Variants in ZNF616 observed in about 807,000 individuals in gnomAD.
ZNF616 encodes zinc finger protein 616.
ZNF616 carries 5 observed loss-of-function variants against 7.6 expected under a neutral mutation model. The observed-to-expected ratio is 0.66, with a 90% confidence interval of 0.34 to 1.38. The LOEUF (loss-of-function observed/expected upper bound fraction) is 1.38, where lower values mean the gene tolerates loss of function less well. ZNF616 is among the 40% of genes most tolerant of loss of function. The pLI is 0.04. For missense variants in ZNF616, 913 were observed against 948.3 expected (o/e 0.96, Z 0.49); for synonymous variants, 319 against 317.2 (o/e 1.01, Z -0.06).
Position 52,115,473 on chromosome 19 carries a change from A to G in ZNF616, c.1691T>C (p.Leu564Pro), listed in dbSNP as rs766090943. 2 of 1,614,214 alleles carry G rather than the reference A, an allele frequency of 1.2e-6. No individual in the cohort carries two copies. Among genetic ancestry groups the G allele is most frequent in the South Asian group, 2.2e-5 (2 of 91,090 alleles). Reference protein sequence around the residue: ...CGKVFSQCSRLTVHRRIHSGE... With the variant: ...CGKVFSQCSRPTVHRRIHSGE... Reference sequence around the variant, plus strand: ...ACTATGAATTCTCCGATGCACTGTAAGACGTGAACATTGACTGAAGACCTT... The same window carrying G: ...ACTATGAATTCTCCGATGCACTGTAGGACGTGAACATTGACTGAAGACCTT... The change falls in exon 4 of 4, where the codon CTT becomes CCT. Residue 564 changes from leucine to proline, a missense_variant. Leu to Pro is a moderately conservative substitution (Grantham distance 98). Coordinates refer to ENST00000600228, the MANE Select transcript of ZNF616 (RefSeq NM_178523.5).
intron 1 of ZNF616, among the ~76,000 whole-genome samples, chr19:52,138,123 C>T (rs2089028739): frequency 6.6e-6 from 1 of 151,996 alleles, no homozygotes; most frequent in Non-Finnish European, 1.5e-5. Context: ...CCAGCCTGGG[C>T]GACAGAGACC....
chr19:52,137,409 C>T (rs1299545149), intron 1 of ZNF616, among the ~76,000 whole-genome samples: 8 of 151,736 alleles, frequency 5.3e-5, no homozygotes, highest in Middle Eastern at 3.4e-3. Flanking sequence ...GGCGACAGAG[C>T]GAGCGAGACT....
Position 52,139,220 on chromosome 19 carries a change from G to A in ZNF616, c.-77+512C>T, listed in dbSNP as rs1157867784. Among the ~76,000 whole-genome samples, 2 of 152,078 alleles carry A rather than the reference G, an allele frequency of 1.3e-5. No individual in the cohort carries two copies. Among genetic ancestry groups the A allele is most frequent in the South Asian group, 2.1e-4 (1 of 4,828 alleles). ...GGGAGGAATACGATGCCCACCTCCC[G>A]GAAGAGCACATTTTCCAGTGGAGTA... On this transcript the variant is annotated intron_variant, in intron 1 of 3. Coordinates refer to ENST00000600228, the MANE Select transcript of ZNF616 (RefSeq NM_178523.5). This position sits in a 1 kb window ranked among gnomAD's most constrained non-coding sequence, Gnocchi z 4.1.
chr19:52,116,545 G>A lies in ZNF616; in HGVS notation c.619C>T (p.His207Tyr), dbSNP rs1257503459. Residue 207 changes from histidine (H) to tyrosine (Y), a missense_variant, in exon 4 of 4, where the codon CAT (histidine) becomes TAT (tyrosine). By Grantham distance (83) the His-to-Tyr change is moderately conservative. Coordinates refer to ENST00000600228, the MANE Select transcript of ZNF616 (RefSeq NM_178523.5). Reference protein sequence around the residue: ...SSSLINHQRIHTTEKPYKCNE... With the variant: ...SSSLINHQRIYTTEKPYKCNE... ...CATTTGTAAGGTTTCTCTGTAGTAT[G>A]TATCCTCTGATGATTAATAAGGCTG... 6.2e-7 allele frequency: 1 copy of A among 1,614,098 alleles called. No individual in the cohort carries two copies. Among genetic ancestry groups the A allele is most frequent in the Admixed American group, 1.7e-5 (1 of 60,026 alleles).
At chr19:52,128,840 G>A (rs907616763) in intron 2 of ZNF616, among the ~76,000 whole-genome samples, 2 of 149,152 alleles carry the variant, frequency 1.3e-5, no homozygotes, top group Non-Finnish European at 2.9e-5. Flanking sequence ...TGGTATTATG[G>A]TATGGATAGT....
intron 1 of ZNF616, among the ~76,000 whole-genome samples, chr19:52,136,663 G>GAAA (rs2089011921): frequency 6.6e-6 from 1 of 152,132 alleles, no homozygotes; most frequent in Admixed American, 6.5e-5. Flanking sequence ...CAGCCATTAT[G>GAAA]AAAAACACTA....
chr19:52,137,640 T>C (rs2089024044), intron 1 of ZNF616, among the ~76,000 whole-genome samples: 1 of 152,140 alleles, frequency 6.6e-6, no homozygotes, highest in Non-Finnish European at 1.5e-5. Flanking sequence ...GGAGAAATGT[T>C]GGTCAAAGGG....
At chr19:52,133,550 G>A (rs186365030) in intron 1 of ZNF616, among the ~76,000 whole-genome samples, 226 of 152,088 alleles carry the variant, frequency 1.5e-3, no homozygotes, top group Non-Finnish European at 1.9e-3. Flanking sequence ...ACAGAGTCTC[G>A]CTCTGTCGCC....
chr19:52,124,984 C>A (rs887687933), intron 2 of ZNF616, among the ~76,000 whole-genome samples: 1 of 152,090 alleles, frequency 6.6e-6, no homozygotes, highest in Admixed American at 6.6e-5. Context: ...ACACCATATC[C>A]CATTGATAAG....
chr19:52,124,675 A>T (rs1262992589), intron 2 of ZNF616, among the ~76,000 whole-genome samples: 1 of 152,232 alleles, frequency 6.6e-6, no homozygotes, highest in Non-Finnish European at 1.5e-5. Flanking sequence ...ACAATCAAAC[A>T]GTTACATTAT....
At chr19:52,129,637 T>C (rs548661188) in intron 2 of ZNF616, among the ~76,000 whole-genome samples, 2 of 152,320 alleles carry the variant, frequency 1.3e-5, no homozygotes, top group East Asian at 3.9e-4. Flanking sequence ...AAATCAATGA[T>C]GGAATAAAAC....
At chr19:52,136,311 G>A (rs561052067) in intron 1 of ZNF616, among the ~76,000 whole-genome samples, 3 of 152,074 alleles carry the variant, frequency 2.0e-5, no homozygotes, top group Admixed American at 1.3e-4. Context: ...TGAAACCCCC[G>A]TCTCTACTAA....
intron 3 of ZNF616, 90 bp from the exon 4 acceptor site, chr19:52,117,114 T>C: frequency 8.8e-7 from 1 of 1,139,784 alleles, no homozygotes; most frequent in Non-Finnish European, 1.2e-6. Flanking sequence ...ACACTAAACA[T>C]AATCTTTATA....
chr19:52,119,067 C>A (rs900146214), intron 3 of ZNF616, among the ~76,000 whole-genome samples: 6 of 152,142 alleles, frequency 3.9e-5, no homozygotes, highest in African/African-American at 1.4e-4. Context: ...ATTCAGCCAT[C>A]CCCATGAATA....
At chr19:52,121,389 A>C (rs10406099) in intron 3 of ZNF616, among the ~76,000 whole-genome samples, 88,945 of 152,070 alleles carry the variant, frequency 0.58, 28,401 homozygotes, top group African/African-American at 0.82. Flanking sequence ...AGAATATCAA[A>C]AAATATGTGG....
chr19:52,116,336 C>A lies in ZNF616; in HGVS notation c.828G>T (p.Lys276Asn). ...CAAGGTGGGAACTTTTACTAAAGGACTTGCCACATTCATTACATATGTAGG... is the reference window on the plus strand; with the variant it reads ...CAAGGTGGGAACTTTTACTAAAGGAATTGCCACATTCATTACATATGTAGG... Reference protein sequence around the residue: ...QKPYICNECGKSFSKSSHLAV... With the variant: ...QKPYICNECGNSFSKSSHLAV... The change falls in exon 4 of 4, where the codon AAG (lysine) becomes AAT (asparagine). Residue 276 changes from lysine to asparagine, a missense_variant. Transcript: ENST00000600228. 6.2e-7 allele frequency: 1 copy of A among 1,614,138 alleles called. No individual in the cohort carries two copies. Among genetic ancestry groups the A allele is most frequent in the Non-Finnish European group, 8.5e-7 (1 of 1,180,010 alleles).
chr19:52,134,354 A>AT (rs1167534965), intron 1 of ZNF616, among the ~76,000 whole-genome samples: 1 of 152,232 alleles, frequency 6.6e-6, no homozygotes, highest in Non-Finnish European at 1.5e-5. Flanking sequence ...ATTTGTTGTG[A>AT]TTTTGTCCTT....
At chr19:52,134,971 T>C (rs1489049562) in intron 1 of ZNF616, among the ~76,000 whole-genome samples, 1 of 152,160 alleles carries the variant, frequency 6.6e-6, no homozygotes, top group Non-Finnish European at 1.5e-5. Flanking sequence ...GTAACAGCTG[T>C]ATCTTCCGAG....
chr19:52,133,208 C>T (rs945122052), intron 1 of ZNF616, among the ~76,000 whole-genome samples: 3 of 152,068 alleles, frequency 2.0e-5, no homozygotes, highest in Admixed American at 6.5e-5. Context: ...AAGAGGGGTA[C>T]TCATACGGGC....
Sources: gnomAD v4.1 joint callset for allele counts (sites outside exome capture counted in the v4.1 genomes callset) on GRCh38, gnomAD v4.1.1 for gene constraint, Gnocchi (gnomAD v3.1) non-coding constraint, MANE v1.5 for transcripts, NCBI Gene and HGNC (gene_info 2026-07-23, HGNC 2026-07-21) for gene names.